The following RHBDL3 variants were observed in gnomAD, a reference collection of about 807,000 sequenced individuals.
The protein encoded by RHBDL3 is rhomboid like 3.
Under a neutral mutation model 48.2 loss-of-function variants are expected in RHBDL3, and 28 were observed. The observed-to-expected ratio is 0.58, with a 90% CI of 0.43 to 0.80. The LOEUF is 0.80. RHBDL3 is among the 30% of genes least tolerant of loss of function. RHBDL3 has a pLI of 0.00. For missense variants in RHBDL3, 464 were observed against 542.7 expected (o/e 0.85, Z 1.44); for synonymous variants, 208 against 232.3 (o/e 0.90, Z 0.95).
intron 2 of RHBDL3, among the ~76,000 whole-genome samples, chr17:32,272,197 G>A (rs1018802362): frequency 4.6e-5 from 7 of 152,254 alleles, no homozygotes; most frequent in African/African-American, 1.7e-4. Context: ...AGAAGCACAA[G>A]GACCACTTCT....
chr17:32,277,948 C>T (rs1255152398), intron 2 of RHBDL3, among the ~76,000 whole-genome samples: 1 of 152,182 alleles, frequency 6.6e-6, no homozygotes, highest in African/African-American at 2.4e-5. Flanking sequence ...GACCACAGAA[C>T]CCTTATTTCA....
At chr17:32,306,395 G>A (rs571091063) in intron 7 of RHBDL3, among the ~76,000 whole-genome samples, 1 of 152,366 alleles carries the variant, frequency 6.6e-6, no homozygotes, top group East Asian at 1.9e-4. Flanking sequence ...CTGCACTCCA[G>A]CCTGGGTGAC....
rs537318259 is a variant in RHBDL3 at position 32,287,330 on chromosome 17, C to T, written c.295-1462C>T. ...GAGTGGCCACAAAATAATCTGACAT[C>T]GTGATCCTGTCTTGGGCTCACAATG... On this transcript the variant is annotated intron_variant, in intron 3 of 8. Coordinates refer to ENST00000269051, the MANE Select transcript of RHBDL3 (RefSeq NM_138328.3). Among the ~76,000 whole-genome samples, 9 of 152,310 alleles carry T rather than the reference C, an allele frequency of 5.9e-5. No individual in the cohort carries two copies. In the South Asian group the frequency reaches 1.4e-3, roughly 25 times the overall value.
At chr17:32,315,572 G>C (rs73270693) in intron 7 of RHBDL3, among the ~76,000 whole-genome samples, 1,766 of 152,178 alleles carry the variant, frequency 0.012, 23 homozygotes, top group African/African-American at 0.041. Context: ...CGAGTGATGT[G>C]AAACCCCCGA....
chr17:32,281,607 G>A (rs2040050759), intron 2 of RHBDL3, among the ~76,000 whole-genome samples: 2 of 152,142 alleles, frequency 1.3e-5, no homozygotes, highest in South Asian at 4.2e-4. Flanking sequence ...ATGGAGTAGG[G>A]GTTGGCACAG....
At chr17:32,314,809 C>T (rs2040931629) in intron 7 of RHBDL3, among the ~76,000 whole-genome samples, 1 of 152,228 alleles carries the variant, frequency 6.6e-6, no homozygotes, top group Non-Finnish European at 1.5e-5. Flanking sequence ...GGGGAGGGCA[C>T]TGACTCCTGT....
At chr17:32,311,395 C>T (rs911734399) in intron 7 of RHBDL3, among the ~76,000 whole-genome samples, 2 of 152,114 alleles carry the variant, frequency 1.3e-5, no homozygotes, top group African/African-American at 4.8e-5. Context: ...TTTAACCCCT[C>T]GGCTGCTGGG....
chr17:32,271,261 G>A (rs764555232), intron 2 of RHBDL3, among the ~76,000 whole-genome samples: 4 of 152,112 alleles, frequency 2.6e-5, no homozygotes, highest in Non-Finnish European at 5.9e-5. Flanking sequence ...AGCTATGCTA[G>A]CATCACTTAT....
Position 32,277,836 on chromosome 17 carries a change from A to G in RHBDL3, c.136-6823A>G, listed in dbSNP as rs996400971. On this transcript the variant is annotated intron_variant, in intron 2 of 8. Coordinates refer to ENST00000269051, the MANE Select transcript of RHBDL3 (RefSeq NM_138328.3). ...ACCAAAGGTCAAATAAGTTTGAAGA[A>G]TGCTGGGCTGAACAAAATCAGACAG... 2.6e-5 allele frequency among the ~76,000 whole-genome samples: 4 copies of G among 152,238 alleles called. No homozygotes were observed. In the East Asian group the frequency reaches 7.7e-4, roughly 29 times the overall value.
In RHBDL3 at chr17:32,319,286, G is replaced by A. The variant is rs897401068; in HGVS notation, c.944-1672G>A. On this transcript the variant is annotated intron_variant, in intron 8 of 8. Coordinates refer to ENST00000269051, the MANE Select transcript of RHBDL3 (RefSeq NM_138328.3). ...AAATACAAAAAATTAGCCGGGTGTG[G>A]TGGCACATGCCTGTAGTCCCAGCTA... is the stretch of plus-strand genomic sequence containing the variant. Among the ~76,000 whole-genome samples the A allele has an allele frequency of 2.0e-5, 3 of 151,976 alleles. No individual in the cohort carries two copies. The East Asian group carries it at 5.8e-4, about 29-fold the overall frequency.
chr17:32,267,437 G>GT (rs2039663261), intron 1 of RHBDL3, among the ~76,000 whole-genome samples: 1 of 142,232 alleles, frequency 7.0e-6, no homozygotes, highest in African/African-American at 2.7e-5. Context: ...TCCTGGGGGG[G>GT]GAGGGGGGGG....
chr17:32,284,531 A>G, intron 2 of RHBDL3, 128 bp from the exon 3 acceptor site: 1 of 846,230 alleles, frequency 1.2e-6, no homozygotes, highest in Non-Finnish European at 1.8e-6. Context: ...GAAATCTCCC[A>G]GACACTGAGC....
At chr17:32,306,889 C>G (rs2040723916) in intron 7 of RHBDL3, among the ~76,000 whole-genome samples, 1 of 152,070 alleles carries the variant, frequency 6.6e-6, no homozygotes, top group African/African-American at 2.4e-5. Context: ...CCACTGCACA[C>G]CAGCCTGGGA....
In RHBDL3 at chr17:32,285,693, A is replaced by C. The variant is rs543944657; in HGVS notation, c.294+876A>C. Among the ~76,000 whole-genome samples, 54 of 152,176 alleles carry C rather than the reference A, an allele frequency of 3.5e-4. No homozygotes were observed. In the Middle Eastern group the frequency reaches 0.014, roughly 38 times the overall value. On this transcript the variant is annotated intron_variant, in intron 3 of 8. Transcript: ENST00000269051. ...ACAAGCAGGTTGAAAATAAGACCCA[A>C]AGTTTTTGCTGGGTTTTCCTATTGG...
chr17:32,296,968 C>T (rs567486921), intron 5 of RHBDL3, among the ~76,000 whole-genome samples: 2 of 151,766 alleles, frequency 1.3e-5, no homozygotes, highest in East Asian at 3.9e-4. Flanking sequence ...CACCTGCCAG[C>T]CTCAGCTTCT....
chr17:32,320,543 C>T lies in RHBDL3; in HGVS notation c.944-415C>T, dbSNP rs370877203. ...TTCACCATGTTGGCCAGGCTGGTCT[C>T]GAACTCCTGACCTCAGGTGATCCAC... On this transcript the variant is annotated intron_variant, in intron 8 of 8. Transcript: ENST00000269051. Among the ~76,000 whole-genome samples the T allele has an allele frequency of 1.8e-3, 272 of 152,222 alleles. 1 individual carries two copies. Among genetic ancestry groups the T allele is most frequent in the African/African-American group, 6.3e-3 (263 of 41,536 alleles).
intron 8 of RHBDL3, among the ~76,000 whole-genome samples, chr17:32,320,065 G>A (rs533701096): frequency 3.0e-4 from 45 of 151,934 alleles, no homozygotes; most frequent in African/African-American, 1.0e-3. Flanking sequence ...TTGAGCCCAG[G>A]AGTTCAGGCC....
At chr17:32,288,564 A>G (rs2040250934) in intron 3 of RHBDL3, among the ~76,000 whole-genome samples, 1 of 152,218 alleles carries the variant, frequency 6.6e-6, no homozygotes, top group South Asian at 2.1e-4. Flanking sequence ...GTCCTTATCT[A>G]ACGGGAAGAC....
In RHBDL3 at chr17:32,318,249, C is replaced by T. The variant is rs538390033; in HGVS notation, c.943+1957C>T. Among the ~76,000 whole-genome samples, 14 of 151,178 alleles carry T rather than the reference C, an allele frequency of 9.3e-5. No individual in the cohort carries two copies. The East Asian group carries it at 2.7e-3, about 29-fold the overall frequency. ...GGTGGCTTATGCCTATAGTCCTAGC[C>T]CAGGAGCTTGAGGCAGCAGTGAGCT... On this transcript the variant is annotated intron_variant, in intron 8 of 8. Transcript: ENST00000269051.
Sources: allele counts gnomAD v4.1 joint callset (sites outside exome capture counted in the v4.1 genomes callset), GRCh38; gene constraint gnomAD v4.1.1; transcripts MANE v1.5; gene names NCBI Gene and HGNC (gene_info 2026-07-23, HGNC 2026-07-21).